The following CDH20 variants were observed in gnomAD, a reference collection of about 807,000 sequenced individuals.
The protein encoded by CDH20 is cadherin-20.
A neutral mutation model predicts 74.2 loss-of-function variants in CDH20; 29 were observed. The observed-to-expected ratio is 0.39, with a 90% CI of 0.29 to 0.53. The LOEUF is 0.53. Among genes scored for constraint, CDH20 ranks in the 20% least tolerant of loss-of-function variants. The pLI is 0.69. For synonymous variants in CDH20, 469 were observed against 405.4 expected, an observed-to-expected ratio of 1.16 and a Z score of -1.88; for missense variants, 988 against 1,048.3, an observed-to-expected ratio of 0.94 and a Z score of 0.79.
At chr18:61,495,264 A>G (rs1203496304) in intron 2 of CDH20, among the ~76,000 whole-genome samples, 1 of 152,220 alleles carries the variant, frequency 6.6e-6, no homozygotes, top group Non-Finnish European at 1.5e-5. Context: ...TGACTTGGAG[A>G]AAAGCTGTTA....
At chr18:61,432,601 C>A (rs1355365976) in intron 1 of CDH20, among the ~76,000 whole-genome samples, 1 of 152,164 alleles carries the variant, frequency 6.6e-6, no homozygotes. Flanking sequence ...TTTCCCAAAC[C>A]CTTGTGTTTT....
At chr18:61,512,593 G>T (rs145209004) in intron 6 of CDH20, among the ~76,000 whole-genome samples, 46 of 152,128 alleles carry the variant, frequency 3.0e-4, no homozygotes, top group African/African-American at 1.1e-3. Context: ...ACTCCATGCC[G>T]CTGTTTCCAT....
chr18:61,341,155 G>A (rs1465193982), intron 1 of CDH20, among the ~76,000 whole-genome samples: 1 of 152,130 alleles, frequency 6.6e-6, no homozygotes, highest in African/African-American at 2.4e-5. Flanking sequence ...CTCTGTCCAG[G>A]CTGAAATGAC....
chr18:61,511,199 C>T (rs1286521490), intron 6 of CDH20, among the ~76,000 whole-genome samples: 1 of 151,554 alleles, frequency 6.6e-6, no homozygotes, highest in Non-Finnish European at 1.5e-5. Context: ...CTCTGTCACC[C>T]AAGCTGGAGT....
chr18:61,435,279 AT>A (rs1387251126), intron 1 of CDH20, among the ~76,000 whole-genome samples: 1 of 152,148 alleles, frequency 6.6e-6, no homozygotes, highest in Non-Finnish European at 1.5e-5. Context: ...TGGTACCACT[AT>A]ATACTACACA....
rs1274737336 is a variant in CDH20 at position 61,550,179 on chromosome 18, T to C, written c.1850T>C (p.Leu617Ser). ...SPEAYMLPVS[L>S]SRGALIAILA... ...GAGGCCTACATGCTCCCAGTCAGTT[T>C]GAGCCGGGGCGCCCTCATTGCCATC... Residue 617 changes from leucine (L) to serine (S), a missense_variant, in exon 11 of 12, where the codon TTG (leucine) becomes TCG (serine). By Grantham distance (145) the Leu-to-Ser change is moderately radical (BLOSUM62 -2). This residue lies in a region of CDH20 where 375 missense variants were observed against 293.1 expected (regional missense o/e 1.28). Coordinates refer to ENST00000262717, the MANE Select transcript of CDH20 (RefSeq NM_031891.4). 2 of 1,614,116 alleles carry C rather than the reference T, an allele frequency of 1.2e-6. No individual in the cohort carries two copies. The highest frequency in any genetic ancestry group is 1.7e-6 in the Non-Finnish European group (2 of 1,180,048).
At chr18:61,342,767 G>A (rs189041729) in intron 1 of CDH20, among the ~76,000 whole-genome samples, 20 of 152,210 alleles carry the variant, frequency 1.3e-4, no homozygotes, top group Admixed American at 1.1e-3. Flanking sequence ...TTTAAGAGTA[G>A]GGCATCTATT....
chr18:61,471,356 T>C (rs1599107860), intron 1 of CDH20, among the ~76,000 whole-genome samples: 1 of 152,212 alleles, frequency 6.6e-6, no homozygotes, highest in South Asian at 2.1e-4. Flanking sequence ...TGACAAGAGA[T>C]AATGTCAGAG....
chr18:61,425,562 G>A (rs1459433303), intron 1 of CDH20, among the ~76,000 whole-genome samples: 2 of 152,196 alleles, frequency 1.3e-5, no homozygotes, highest in African/African-American at 4.8e-5. Context: ...CAGCAACTTG[G>A]ATGGAGTTGG....
chr18:61,343,569 T>G (rs1427999202), intron 1 of CDH20, among the ~76,000 whole-genome samples: 3 of 152,106 alleles, frequency 2.0e-5, no homozygotes, highest in Non-Finnish European at 4.4e-5. Flanking sequence ...TTGGTCAGGG[T>G]GCACTGTGAT....
At chr18:61,362,150 A>T (rs562273395) in intron 1 of CDH20, among the ~76,000 whole-genome samples, 14 of 152,316 alleles carry the variant, frequency 9.2e-5, no homozygotes, top group African/African-American at 3.4e-4. Context: ...CAAAACCATC[A>T]CTTAAAAAGC....
chr18:61,526,306 T>C (rs1912411767), intron 6 of CDH20, among the ~76,000 whole-genome samples: 1 of 151,582 alleles, frequency 6.6e-6, no homozygotes, highest in African/African-American at 2.4e-5. Context: ...TTTTTGTATT[T>C]TTAGTAGAGA....
At chr18:61,444,083 A>C (rs1318924948) in intron 1 of CDH20, among the ~76,000 whole-genome samples, 1 of 152,128 alleles carries the variant, frequency 6.6e-6, no homozygotes, top group East Asian at 1.9e-4. Flanking sequence ...ATAGCTAGTC[A>C]AGGTATATTG....
chr18:61,421,723 A>T (rs1279956644), intron 1 of CDH20, among the ~76,000 whole-genome samples: 2 of 152,210 alleles, frequency 1.3e-5, no homozygotes, highest in Non-Finnish European at 2.9e-5. Context: ...ATATGAATGT[A>T]TCAAATTATC....
At chr18:61,499,520 C>CTG in intron 3 of CDH20, 40 bp downstream of exon 3, 2 of 1,376,764 alleles carry the variant, frequency 1.5e-6, no homozygotes, top group Non-Finnish European at 2.0e-6. Context: ...ATAGCACCTC[C>CTG]TATATATATA....
In CDH20 at chr18:61,433,309, G is replaced by A. The variant is rs552687576; in HGVS notation, c.-152-57093G>A. Reference sequence around the variant, plus strand: ...TCTCAGTAGGGGCACCTTGTGTTTTGTTCAACAAAATATAGAACTGTTTGT... The same window carrying A: ...TCTCAGTAGGGGCACCTTGTGTTTTATTCAACAAAATATAGAACTGTTTGT... On this transcript the variant is annotated intron_variant, in intron 1 of 11. Coordinates refer to ENST00000262717, the MANE Select transcript of CDH20 (RefSeq NM_031891.4). 2.0e-5 allele frequency among the ~76,000 whole-genome samples: 3 copies of A among 152,188 alleles called. No homozygotes were observed. The East Asian group carries it at 5.8e-4, about 29-fold the overall frequency.
At chr18:61,453,486 G>A (rs887054837) in intron 1 of CDH20, among the ~76,000 whole-genome samples, 1 of 152,060 alleles carries the variant, frequency 6.6e-6, no homozygotes, top group African/African-American at 2.4e-5. Flanking sequence ...TCACCATGTT[G>A]ACCAGGCTGG....
chr18:61,394,587 C>T (rs141378827), intron 1 of CDH20, among the ~76,000 whole-genome samples: 7 of 152,156 alleles, frequency 4.6e-5, no homozygotes, highest in African/African-American at 9.7e-5. Flanking sequence ...CTGCAAACAC[C>T]TTGATCTTGG....
At chr18:61,536,848 G>A (rs892010641) in intron 8 of CDH20, among the ~76,000 whole-genome samples, 1 of 152,100 alleles carries the variant, frequency 6.6e-6, no homozygotes, top group African/African-American at 2.4e-5. Flanking sequence ...AACAAAACAT[G>A]GAAAACAGTG....
Sources: gnomAD v4.1 joint callset for allele counts (sites outside exome capture counted in the v4.1 genomes callset) on GRCh38, gnomAD v4.1.1 for gene constraint, gnomAD v4.1.1 regional missense constraint, MANE v1.5 for transcripts, NCBI Gene and HGNC (gene_info 2026-07-23, HGNC 2026-07-21) for gene names.